Variants in MYH3 observed in about 807,000 individuals in gnomAD.
MYH3 encodes the protein myosin heavy chain 3.
Under a neutral mutation model 238.0 loss-of-function variants are expected in MYH3, and 130 were observed. The observed-to-expected ratio is 0.55, with a 90% CI of 0.47 to 0.63. The LOEUF (loss-of-function observed/expected upper bound fraction) is 0.63, where lower values mean the gene tolerates loss of function less well. MYH3 is among the 30% of genes least tolerant of loss of function. The pLI is 0.00. For synonymous variants in MYH3, 880 were observed against 924.1 expected, an observed-to-expected ratio of 0.95 and a Z score of 0.86; for missense variants, 1,853 against 2,374.9, an observed-to-expected ratio of 0.78 and a Z score of 4.57.
rs769690046 is a variant in MYH3, at chr17:10,637,906, C to T, written c.3759G>A (p.Leu1253=). 3.7e-6 allele frequency: 6 copies of T among 1,614,164 alleles called. No individual in the cohort carries two copies. Among genetic ancestry groups the T allele is most frequent in the Non-Finnish European group, 3.4e-6 (4 of 1,180,032 alleles). ...CCCTGGCCTCACTTAACTGATCCTC[C>T]AGGGTTCGGCAGATTTTTTCCAGAT... is the stretch of plus-strand genomic sequence containing the variant. ...KANLEKICRT[L]EDQLSEARGK... Residue 1253 remains leucine (L), a synonymous_variant, in exon 28 of 41, where the codon CTG becomes CTA. Coordinates refer to ENST00000583535, the MANE Select transcript of MYH3 (RefSeq NM_002470.4).
intron 40 of MYH3, among the ~76,000 whole-genome samples, chr17:10,629,166 C>A (rs2074125033): frequency 6.6e-6 from 1 of 152,094 alleles, no homozygotes; most frequent in African/African-American, 2.4e-5. Context: ...TCCTAATGCT[C>A]TCCCTCCCCT....
Position 10,635,144 on chromosome 17 carries a change from CAGG to C in MYH3, c.4173-124_4173-122del. 6.7e-6 allele frequency: 9 copies of C among 1,336,020 alleles called. 1 individual carries two copies. Among genetic ancestry groups the C allele is most frequent in the Admixed American group, 5.9e-5 (3 of 50,456 alleles). The allele number at this position is 1,336,020 out of a possible 1,614,324, so 82.8% of individuals were successfully genotyped here. ...AGACACCCATGTGTTTTTATACGCC[CAGG>C]AGAATTTCCTGTCTACTCAAAATCT... On this transcript the variant is annotated intron_variant, in intron 30 of 40. Transcript: ENST00000583535.
chr17:10,632,362 T>C (rs2074171121), intron 34 of MYH3, 114 bp downstream of exon 34: 2 of 1,229,936 alleles, frequency 1.6e-6, no homozygotes, highest in Non-Finnish European at 2.4e-6. Context: ...CAAGTGAGCC[T>C]CTTGCCTCAG....
At chr17:10,630,580 T>C in intron 36 of MYH3, 122 bp from the exon 37 acceptor site, 1 of 1,449,260 alleles carries the variant, frequency 6.9e-7, no homozygotes. Context: ...CCAGGCGCGG[T>C]GGCTCACGTC....
Position 10,647,178 on chromosome 17 carries a change from T to C in MYH3, c.898+4A>G, listed in dbSNP as rs2142413483. The C allele has an allele frequency of 3.7e-6, 6 of 1,612,108 alleles. No homozygotes were observed. In the East Asian group the frequency reaches 1.3e-4, roughly 36 times the overall value. On this transcript the variant is annotated splice_donor_region_variant and intron_variant, in intron 10 of 40. Coordinates refer to ENST00000583535, the MANE Select transcript of MYH3 (RefSeq NM_002470.4). The stretch of plus-strand genomic sequence containing the variant: ...AAGACCAGCCCCACTGGTGACTTCC[T>C]CACCTATGAGCTCAGGCTTCTTGTT...
At chr17:10,657,810 A>C (rs1355907844), upstream of MYH3, among the ~76,000 whole-genome samples, 1 of 151,958 alleles carries the variant, frequency 6.6e-6, no homozygotes, top group Non-Finnish European at 1.5e-5. Flanking sequence ...AACCTGTGCC[A>C]GGAATAATTA....
At position 10,635,509 on chromosome 17, in the gene MYH3, G is replaced by A. The variant is rs772283689; in HGVS notation, c.4030C>T (p.Leu1344=). 1 of 1,614,244 alleles carries A rather than the reference G, an allele frequency of 6.2e-7. No individual in the cohort carries two copies. The highest frequency in any genetic ancestry group is 8.5e-7 in the Non-Finnish European group (1 of 1,180,040). The stretch of plus-strand genomic sequence containing the variant: ...TGCTCCTCCTCATACTGTTCCCGCA[G>A]CAGGTCACAGTCGTGGCGGGAGGAC... ...LQSSRHDCDL[L]REQYEEEQEG... is the part of the protein sequence containing the mutation. Residue 1344 remains leucine, a synonymous_variant, in exon 30 of 41, where the codon CTG becomes TTG. Coordinates refer to ENST00000583535, the MANE Select transcript of MYH3 (RefSeq NM_002470.4).
intron 24 of MYH3, 43 bp downstream of exon 24, chr17:10,639,255 A>G: frequency 1.9e-6 from 3 of 1,614,064 alleles, no homozygotes; most frequent in Non-Finnish European, 2.5e-6. Flanking sequence ...GGGCTCTTCC[A>G]ACCCTGGAGT....
rs748874705 is a variant in MYH3, at chr17:10,632,773, C to T, written c.4659G>A (p.Glu1553=). 6.2e-7 allele frequency: 1 copy of T among 1,614,220 alleles called. No individual in the cohort carries two copies. The highest frequency in any genetic ancestry group is 8.5e-7 in the Non-Finnish European group (1 of 1,180,034). The change falls in exon 34 of 41, where the codon GAG becomes GAA. Residue 1553 remains glutamate, a synonymous_variant. Transcript: ENST00000583535. ...LALEEAEAAL[E]HEEAKILRIQ... ...TTCGGAGGATCTTGGCTTCTTCATG[C>T]TCAAGAGCAGCCTTTAAGAAACAAA...
upstream of MYH3, chr17:10,658,560 G>C (rs543023684): frequency 2.0e-5 from 3 of 152,372 alleles, no homozygotes; most frequent in African/African-American, 7.2e-5. Flanking sequence ...TTGAATTCTA[G>C]ATGATGAGTC....
rs73976877 is a variant in MYH3, at chr17:10,637,753, A to G, written c.3856+56T>C. 3.9e-3 allele frequency: 6,279 copies of G among 1,611,988 alleles called. 175 individuals carry two copies. The African/African-American group carries it at 0.069, about 18-fold the overall frequency. ...ACCCTGCCCTTGGTTTTGGCCAGCT[A>G]CGCCCATTGGGTGCCAGGAGGTTTT... is the stretch of plus-strand genomic sequence containing the variant. On this transcript the variant is annotated intron_variant, in intron 28 of 40. Transcript: ENST00000583535.
chr17:10,641,846 G>A (rs1273403761), intron 17 of MYH3, among the ~76,000 whole-genome samples: 3 of 152,140 alleles, frequency 2.0e-5, no homozygotes, highest in Non-Finnish European at 4.4e-5. Context: ...TATGGCTGGA[G>A]GTGTAGGCTA....
rs777322813 is a variant in MYH3, at chr17:10,630,343, G to A, written c.5402C>T (p.Ala1801Val). Residue 1801 changes from alanine to valine, a missense_variant, in exon 37 of 41, where the codon GCC becomes GTC. Coordinates refer to ENST00000583535, the MANE Select transcript of MYH3 (RefSeq NM_002470.4). ...VKDLQHRLDE[A>V]EQLALKGGKK... ...CCCGCCCTTCAGCGCCAGCTGCTCG[G>A]CCTCATCTAGACGATGCTGCAGGTC... is the stretch of plus-strand genomic sequence containing the variant. 1 of 1,614,122 alleles carries A rather than the reference G, an allele frequency of 6.2e-7. No homozygotes were observed. The highest frequency in any genetic ancestry group is 1.1e-5 in the South Asian group (1 of 91,072).
chr17:10,674,683 T>C, the MYH3 span: 1 of 152,610 alleles, frequency 6.6e-6, no homozygotes, highest in Admixed American at 6.5e-5. Context: ...GACATTGTGA[T>C]GGCGAAACCA....
At chr17:10,648,461 T>A (rs896966190) in intron 8 of MYH3, 96 bp downstream of exon 8, 2 of 1,017,634 alleles carry the variant, frequency 2.0e-6, no homozygotes, top group Non-Finnish European at 3.1e-6. Context: ...TTTTTCATCA[T>A]CTGTTGCCTC....
intron 14 of MYH3, among the ~76,000 whole-genome samples, chr17:10,643,681 T>C (rs1179028745): frequency 1.3e-5 from 2 of 152,228 alleles, no homozygotes; most frequent in African/African-American, 4.8e-5. Flanking sequence ...GCCGCGGCTA[T>C]GCACGGTCTA....
the MYH3 span, chr17:10,673,802 C>T: frequency 6.6e-6 from 1 of 152,162 alleles, no homozygotes; most frequent in East Asian, 1.9e-4. Flanking sequence ...TATAACAACT[C>T]GATGGAGAAA....
chr17:10,670,813 TAATC>T, the MYH3 span, among the ~76,000 whole-genome samples: 1 of 152,168 alleles, frequency 6.6e-6, no homozygotes, highest in African/African-American at 2.4e-5. This position sits in a 1 kb window ranked among gnomAD's most constrained non-coding sequence, Gnocchi z 7.0. Flanking sequence ...CATTAAATAT[TAATC>T]AATAGCTCTA....
chr17:10,652,513 G>A lies in MYH3; in HGVS notation c.255C>T (p.Phe85=), dbSNP rs770068094. ...EDVYAMNPPK[F]DRIEDMAMLT... Reference sequence around the variant, plus strand: ...GCATGGCCATGTCTTCGATCCTGTCGAACTTGGGGGGGTTCATGGCGTACA... The same window carrying A: ...GCATGGCCATGTCTTCGATCCTGTCAAACTTGGGGGGGTTCATGGCGTACA... Residue 85 remains phenylalanine, a synonymous_variant, in exon 4 of 41, where the codon TTC becomes TTT. Transcript: ENST00000583535. The A allele has an allele frequency of 2.1e-5, 34 of 1,612,882 alleles. No homozygotes were observed. Among genetic ancestry groups the A allele is most frequent in the Admixed American group, 1.3e-4 (8 of 59,920 alleles).
Sources: allele counts gnomAD v4.1 joint callset (sites outside exome capture counted in the v4.1 genomes callset), GRCh38; gene constraint gnomAD v4.1.1; non-coding constraint Gnocchi (gnomAD v3.1); transcripts MANE v1.5; gene names NCBI Gene and HGNC (gene_info 2026-07-23, HGNC 2026-07-21).